SORCS2: variants seen among roughly 807,000 people sequenced by gnomAD.
SORCS2 encodes the protein VPS10 domain-containing receptor SorCS2.
SORCS2 carries 100 observed loss-of-function variants against 141.6 expected under a neutral mutation model. The ratio of observed to expected loss-of-function variants is 0.71; its 90% confidence interval spans 0.60 to 0.83. The LOEUF (loss-of-function observed/expected upper bound fraction) is 0.83. SORCS2 is among the 40% of genes least tolerant of loss of function. The pLI is 0.00. For missense variants in SORCS2, 1,646 were observed against 1,560.2 expected (o/e 1.05, Z -0.93); for synonymous variants, 789 against 676.9 (o/e 1.17, Z -2.57).
At chr4:7,328,895 C>G (rs1445560476) in intron 1 of SORCS2, among the ~76,000 whole-genome samples, 1 of 152,194 alleles carries the variant, frequency 6.6e-6, no homozygotes, top group African/African-American at 2.4e-5. Flanking sequence ...TTGCCGGCAC[C>G]CTTGGCAGTT....
At position 7,683,905 on chromosome 4, in the gene SORCS2, C is replaced by G. The variant is rs7665954; in HGVS notation, c.1488+1016C>G. ...GGCTACCAGGGATCCAGGTGGTGCA[C>G]AGGCCCATGCTGGTGAGGAAGGAGA... On this transcript the variant is annotated intron_variant, in intron 10 of 26. Coordinates refer to ENST00000507866, the MANE Select transcript of SORCS2 (RefSeq NM_020777.3). Among the ~76,000 whole-genome samples the G allele has an allele frequency of 1.9e-3, 290 of 152,314 alleles. 1 individual carries two copies. Among genetic ancestry groups the G allele is most frequent in the African/African-American group, 6.5e-3 (272 of 41,568 alleles).
chr4:7,534,481 C>A (rs1285085619), intron 3 of SORCS2, among the ~76,000 whole-genome samples: 1 of 152,198 alleles, frequency 6.6e-6, no homozygotes, highest in African/African-American at 2.4e-5. Context: ...CAGTCCCGAC[C>A]CCTGGAACGT....
At chr4:7,461,303 G>A (rs1729293004) in intron 2 of SORCS2, among the ~76,000 whole-genome samples, 1 of 152,134 alleles carries the variant, frequency 6.6e-6, no homozygotes, top group Admixed American at 6.5e-5. Flanking sequence ...TGGAGCTGGA[G>A]CCCCCGCCCT....
intron 19 of SORCS2, among the ~76,000 whole-genome samples, chr4:7,724,136 G>GA (rs2148876716): frequency 7.8e-6 from 1 of 127,786 alleles, no homozygotes; most frequent in Admixed American, 7.6e-5. Flanking sequence ...GGTGGTGGTG[G>GA]TGGTGATGGT....
rs755208006 is a variant in SORCS2, at chr4:7,725,294, T to A, written c.2745+7T>A. 1.9e-6 allele frequency: 3 copies of A among 1,611,578 alleles called. No individual in the cohort carries two copies. The highest frequency in any genetic ancestry group is 1.1e-5 in the South Asian group (1 of 90,802). On this transcript the variant is annotated splice_region_variant and intron_variant, in intron 20 of 26. Coordinates refer to ENST00000507866, the MANE Select transcript of SORCS2 (RefSeq NM_020777.3). ...GATCGGCCACAGCCTGCAGGTGCGC[T>A]GGCTTTGCCCCAACTCAGCCCTTCT...
intron 2 of SORCS2, among the ~76,000 whole-genome samples, chr4:7,446,720 C>T (rs556077326): frequency 2.2e-3 from 333 of 152,248 alleles, no homozygotes; most frequent in African/African-American, 7.5e-3. Flanking sequence ...GGGGGTGCAC[C>T]CTAGTTTTAA....
intron 1 of SORCS2, among the ~76,000 whole-genome samples, chr4:7,337,006 C>G (rs952728586): frequency 2.0e-5 from 3 of 152,198 alleles, no homozygotes; most frequent in Non-Finnish European, 4.4e-5. Flanking sequence ...TGACTTACGT[C>G]AGAGTGCTGG....
In SORCS2 at chr4:7,740,268, C is replaced by T. The variant is rs180942605; in HGVS notation, c.*4C>T. ...GCACAGCTACCTGGTGAGCTGATGCCACCCCAGCATCTGTCTTTTCACCCA... is the reference window on the plus strand; with the variant it reads ...GCACAGCTACCTGGTGAGCTGATGCTACCCCAGCATCTGTCTTTTCACCCA... On this transcript the variant is annotated 3_prime_UTR_variant, in exon 27 of 27. Coordinates refer to ENST00000507866, the MANE Select transcript of SORCS2 (RefSeq NM_020777.3). 2.3e-4 allele frequency: 371 copies of T among 1,608,764 alleles called. 1 individual carries two copies. In the African/African-American group the frequency reaches 4.2e-3, roughly 18 times the overall value.
At chr4:7,520,682 C>T (rs1442971896) in intron 2 of SORCS2, among the ~76,000 whole-genome samples, 4 of 152,194 alleles carry the variant, frequency 2.6e-5, no homozygotes, top group Admixed American at 2.0e-4. Flanking sequence ...GGTGCTGCCC[C>T]TGTGGGTTCA....
rs1207619059 is a variant in SORCS2, at chr4:7,453,643, A to G, written c.548+57288A>G. Reference sequence around the variant, plus strand: ...GTCAGGTGCTGTGTTGGGGTCAGGCACTGTGTTGGGGTCAGGAGCTGTGTG... The same window carrying G: ...GTCAGGTGCTGTGTTGGGGTCAGGCGCTGTGTTGGGGTCAGGAGCTGTGTG... On this transcript the variant is annotated intron_variant, in intron 2 of 26. Transcript: ENST00000507866. 2.5e-4 allele frequency among the ~76,000 whole-genome samples: 19 copies of G among 75,990 alleles called. 1 individual carries two copies. Among genetic ancestry groups the G allele is most frequent in the South Asian group, 2.0e-3 (4 of 2,040 alleles). The allele number at this position is 75,990 out of a possible 152,430, so 49.9% of individuals were successfully genotyped here.
intron 23 of SORCS2, among the ~76,000 whole-genome samples, 165 bp downstream of exon 23, chr4:7,729,877 G>A (rs571696044): frequency 5.3e-5 from 8 of 152,244 alleles, no homozygotes; most frequent in African/African-American, 1.4e-4. Context: ...CTGTGGCTAC[G>A]CCCTCTGGAA....
chr4:7,423,396 G>A (rs1315012004), intron 2 of SORCS2, among the ~76,000 whole-genome samples: 3 of 152,198 alleles, frequency 2.0e-5, no homozygotes, highest in Non-Finnish European at 4.4e-5. Flanking sequence ...GAGCTCTCCT[G>A]TGGTGTGGAA....
At chr4:7,214,411 C>T (rs1284623622) in intron 1 of SORCS2, among the ~76,000 whole-genome samples, 1 of 152,190 alleles carries the variant, frequency 6.6e-6, no homozygotes, top group East Asian at 1.9e-4. Flanking sequence ...GGATCATCCT[C>T]ACCAGATGCC....
intron 2 of SORCS2, among the ~76,000 whole-genome samples, chr4:7,413,406 T>TTTTTTTTTTTTC: frequency 3.4e-5 from 5 of 145,230 alleles, no homozygotes; most frequent in Non-Finnish European, 7.6e-5. Flanking sequence ...TTTTTTTTTT[T>TTTTTTTTTTTTC]TTTTTGAGAT....
chr4:7,723,298 C>T (rs1427817117), intron 18 of SORCS2, among the ~76,000 whole-genome samples: 1 of 152,154 alleles, frequency 6.6e-6, no homozygotes, highest in Non-Finnish European at 1.5e-5. Flanking sequence ...CTCTCCCCTG[C>T]CGAAACCCTC....
At chr4:7,601,578 CA>C (rs2108792971) in intron 3 of SORCS2, among the ~76,000 whole-genome samples, 1 of 135,084 alleles carries the variant, frequency 7.4e-6, no homozygotes, top group East Asian at 2.1e-4. Flanking sequence ...GAGATCACAC[CA>C]CTGCACTCTA....
chr4:7,506,587 G>A (rs1024770581), intron 2 of SORCS2, among the ~76,000 whole-genome samples: 3 of 152,242 alleles, frequency 2.0e-5, no homozygotes, highest in Non-Finnish European at 4.4e-5. Flanking sequence ...CAAACTGGCC[G>A]CATGGCCCTT....
intron 1 of SORCS2, among the ~76,000 whole-genome samples, chr4:7,343,638 C>G (rs955661114): frequency 6.6e-6 from 1 of 152,210 alleles, no homozygotes; most frequent in African/African-American, 2.4e-5. Context: ...CGGCTGTTTT[C>G]TACCTGGGTG....
rs151241707 is a variant in SORCS2 at position 7,467,989 on chromosome 4, G to A, written c.549-63541G>A. On this transcript the variant is annotated intron_variant, in intron 2 of 26. Transcript: ENST00000507866. ...TGGCTCTGTCCTCCTGGCTTCAGAAGCAAGATCTGTACCTTTCTGCCCCAT... is the reference window on the plus strand; with the variant it reads ...TGGCTCTGTCCTCCTGGCTTCAGAAACAAGATCTGTACCTTTCTGCCCCAT... Among the ~76,000 whole-genome samples the A allele has an allele frequency of 1.2e-3, 186 of 152,350 alleles. 2 individuals are homozygous for A. The highest frequency in any genetic ancestry group is 4.2e-3 in the African/African-American group (176 of 41,580).
Sources: allele counts gnomAD v4.1 joint callset (sites outside exome capture counted in the v4.1 genomes callset), GRCh38; gene constraint gnomAD v4.1.1; transcripts MANE v1.5; gene names NCBI Gene and HGNC (gene_info 2026-07-23, HGNC 2026-07-21).